Variants in PLEKHA1 observed in about 807,000 individuals in gnomAD.
PLEKHA1 encodes the protein pleckstrin homology domain-containing family A member 1.
Under a neutral mutation model 52.0 loss-of-function variants are expected in PLEKHA1, and 34 were observed. The observed-to-expected ratio is 0.65, with a 90% CI of 0.50 to 0.87. PLEKHA1 has a LOEUF of 0.87. PLEKHA1 is among the 40% of genes least tolerant of loss of function. The probability of loss-of-function intolerance (pLI) is 0.00; values close to 1 mark genes in which losing one functional copy is unlikely to be tolerated. For synonymous variants in PLEKHA1, 163 were observed against 170.7 expected, an observed-to-expected ratio of 0.95 and a Z score of 0.35; for missense variants, 497 against 504.2, an observed-to-expected ratio of 0.99 and a Z score of 0.14.
intron 3 of PLEKHA1, 42 bp downstream of exon 3, chr10:122,398,016 C>T (rs904852574): frequency 1.3e-6 from 2 of 1,492,118 alleles, no homozygotes; most frequent in African/African-American, 1.4e-5. Context: ...GAATTAAAAT[C>T]CCTGTGAATG....
At chr10:122,381,410 G>A (rs540924757) in intron 1 of PLEKHA1, among the ~76,000 whole-genome samples, 115 of 152,286 alleles carry the variant, frequency 7.6e-4, no homozygotes, top group Middle Eastern at 6.8e-3. Context: ...GTTGGGAGGC[G>A]GTTGGTTCAT....
In PLEKHA1 at chr10:122,431,552, A is replaced by C. The variant is rs1334891063; in HGVS notation, c.*1614A>C. The C allele has an allele frequency of 2.0e-5, 3 of 152,574 alleles. No homozygotes were observed. Among genetic ancestry groups the C allele is most frequent in the African/African-American group, 4.8e-5 (2 of 41,430 alleles). The allele number at this position is 152,574 out of a possible 1,614,324, so 9.5% of individuals were successfully genotyped here. Reference sequence around the variant, plus strand: ...GTTTTGAATTCATGCATATCATTGAAAATTTCTCGTTTTCATTTTCTTAGA... The same window carrying C: ...GTTTTGAATTCATGCATATCATTGACAATTTCTCGTTTTCATTTTCTTAGA... On this transcript the variant is annotated 3_prime_UTR_variant, in exon 12 of 12. Transcript: ENST00000368990.
Position 122,399,844 on chromosome 10 carries a change from CAA to C in PLEKHA1, c.199-497_199-496del, listed in dbSNP as rs1174603428. ...TCGTGATCCGCCCGCCTTGGCCTCTCAAAGTGCTGGGATTACAGGCGTGAGCC... is the reference window on the plus strand; with the variant it reads ...TCGTGATCCGCCCGCCTTGGCCTCTCAGTGCTGGGATTACAGGCGTGAGCC... On this transcript the variant is annotated intron_variant, in intron 3 of 11. Transcript: ENST00000368990. Among the ~76,000 whole-genome samples, 5 of 152,242 alleles carry C rather than the reference CAA, an allele frequency of 3.3e-5. No individual in the cohort carries two copies. In the East Asian group the frequency reaches 9.7e-4, roughly 29 times the overall value.
rs1022963182 is a variant in PLEKHA1 at position 122,374,740 on chromosome 10, T to C, written c.-87T>C. On this transcript the variant is annotated 5_prime_UTR_variant, in exon 1 of 12. Coordinates refer to ENST00000368990, the MANE Select transcript of PLEKHA1 (RefSeq NM_001001974.4). ...GCGGGCTGGCCGTCGCGGACGCCGC[T>C]CCGGGCAGCCGAGCCTCTGTGGGAG... 6.6e-6 allele frequency: 1 copy of C among 151,572 alleles called. No homozygotes were observed. The highest frequency in any genetic ancestry group is 1.5e-5 in the Non-Finnish European group (1 of 67,900). The allele number at this position is 151,572 out of a possible 1,614,324, so 9.4% of individuals were successfully genotyped here. A position where few individuals can be genotyped will look rare whatever the true frequency, so the allele number is the denominator to read the frequency against.
intron 5 of PLEKHA1, among the ~76,000 whole-genome samples, chr10:122,409,705 A>G: frequency 6.6e-6 from 1 of 152,196 alleles, no homozygotes; most frequent in East Asian, 1.9e-4. Flanking sequence ...GAAAGATTGT[A>G]AGACCCAGGA....
intron 3 of PLEKHA1, 80 bp downstream of exon 3, chr10:122,398,054 T>C: frequency 8.6e-7 from 1 of 1,163,524 alleles, no homozygotes; most frequent in Non-Finnish European, 1.3e-6. Context: ...AGCAGTTTCC[T>C]TTCCATGTCC....
chr10:122,415,039 A>G (rs1396689240), intron 6 of PLEKHA1, among the ~76,000 whole-genome samples: 3 of 152,154 alleles, frequency 2.0e-5, no homozygotes, highest in Non-Finnish European at 2.9e-5. Flanking sequence ...CCTAATAGCT[A>G]AAAGTGGGAA....
intron 5 of PLEKHA1, among the ~76,000 whole-genome samples, chr10:122,409,021 G>A (rs2097065907): frequency 1.3e-5 from 2 of 152,046 alleles, no homozygotes; most frequent in South Asian, 2.1e-4. Context: ...TGGTTAGAGG[G>A]CAATGGGTAA....
chr10:122,378,444 A>G (rs1170224829), intron 1 of PLEKHA1, among the ~76,000 whole-genome samples: 6 of 149,624 alleles, frequency 4.0e-5, no homozygotes, highest in African/African-American at 1.2e-4. Flanking sequence ...ACAGTTATCA[A>G]AAAGCTCTAG....
At chr10:122,435,576 T>C (rs530989276), downstream of PLEKHA1, 1 of 152,306 alleles carries the variant, frequency 6.6e-6, no homozygotes, top group Non-Finnish European at 1.5e-5. Context: ...AAATTATAAA[T>C]TTTTTATTTA....
chr10:122,423,041 GTC>G (rs2097282682), intron 8 of PLEKHA1: 1 of 151,632 alleles, frequency 6.6e-6, no homozygotes. Flanking sequence ...GTTTTTCTCA[GTC>G]TCTTATTAAG....
Position 122,425,124 on chromosome 10 carries a change from G to T in PLEKHA1, c.810+165G>T, listed in dbSNP as rs373878203. ...TACTGTATATAGAGTTATTGGTGGG[G>T]TTATATGTTCAGGAAGTGGGAGTAT... On this transcript the variant is annotated intron_variant, in intron 10 of 11. Coordinates refer to ENST00000368990, the MANE Select transcript of PLEKHA1 (RefSeq NM_001001974.4). 38 of 461,690 alleles carry T rather than the reference G, an allele frequency of 8.2e-5. No individual in the cohort carries two copies. In the South Asian group the frequency reaches 8.4e-4, roughly 10 times the overall value. 28.6% of individuals were successfully genotyped at this position (461,690 alleles called of 1,614,324 possible).
chr10:122,428,658 T>C (rs527417710), intron 11 of PLEKHA1, among the ~76,000 whole-genome samples: 6 of 152,322 alleles, frequency 3.9e-5, no homozygotes, highest in East Asian at 1.9e-4. Context: ...ACTTACGAAA[T>C]GCACCATTGT....
At chr10:122,413,888 A>G (rs1431663600) in intron 6 of PLEKHA1, among the ~76,000 whole-genome samples, 1 of 152,102 alleles carries the variant, frequency 6.6e-6, no homozygotes, top group Non-Finnish European at 1.5e-5. Flanking sequence ...GACACTTTAT[A>G]AATCTTTTAA....
chr10:122,408,162 T>C (rs778728539), intron 5 of PLEKHA1, among the ~76,000 whole-genome samples: 1 of 152,358 alleles, frequency 6.6e-6, no homozygotes, highest in South Asian at 2.1e-4. Context: ...AAAATTTCTT[T>C]AGAAAGATAA....
intron 11 of PLEKHA1, 41 bp from the exon 12 acceptor site, chr10:122,429,583 A>G (rs755979042): frequency 5.7e-6 from 9 of 1,585,304 alleles, no homozygotes; most frequent in East Asian, 4.5e-5. Context: ...TAACCTGGTC[A>G]TGAGTGACTG....
rs1590451397 is a variant in PLEKHA1 at position 122,396,902 on chromosome 10, AT to A, written c.142-1014del. On this transcript the variant is annotated intron_variant, in intron 2 of 11. Transcript: ENST00000368990. Reference sequence around the variant, plus strand: ...TCCTCTTCTATAATCCCTTCAGTTTATTATAAGATATATTATAAAAAGAGCA... The same window carrying A: ...TCCTCTTCTATAATCCCTTCAGTTTATATAAGATATATTATAAAAAGAGCA... 7.2e-5 allele frequency among the ~76,000 whole-genome samples: 11 copies of A among 152,134 alleles called. No homozygotes were observed. In the East Asian group the frequency reaches 2.1e-3, roughly 29 times the overall value.
Position 122,415,833 on chromosome 10 carries a change from A to T in PLEKHA1, c.469-26A>T, listed in dbSNP as rs190409841. The T allele has an allele frequency of 9.7e-4, 1,538 of 1,579,592 alleles. 2 individuals carry two copies. Among genetic ancestry groups the T allele is most frequent in the Non-Finnish European group, 1.3e-3 (1,486 of 1,155,182 alleles). ...AAGTATGCTAAACAAGCAAGAAAAT[A>T]ATTTATTTATTTTGCTTCATTTTAG... is the stretch of plus-strand genomic sequence containing the variant. On this transcript the variant is annotated intron_variant, in intron 6 of 11. Coordinates refer to ENST00000368990, the MANE Select transcript of PLEKHA1 (RefSeq NM_001001974.4).
chr10:122,394,961 G>C (rs2096830807), intron 2 of PLEKHA1, among the ~76,000 whole-genome samples: 2 of 152,172 alleles, frequency 1.3e-5, no homozygotes, highest in African/African-American at 4.8e-5. Flanking sequence ...TTATTACCCT[G>C]AATAAAACTT....
Sources: gnomAD v4.1 joint callset for allele counts (sites outside exome capture counted in the v4.1 genomes callset) on GRCh38, gnomAD v4.1.1 for gene constraint, MANE v1.5 for transcripts, NCBI Gene and HGNC (gene_info 2026-07-23, HGNC 2026-07-21) for gene names.